Variants in ABCD2 observed in about 807,000 individuals in gnomAD.
ABCD2 encodes ATP-binding cassette sub-family D member 2.
Under a neutral mutation model 70.9 loss-of-function variants are expected in ABCD2, and 36 were observed. The ratio of observed to expected loss-of-function variants is 0.51; its 90% CI spans 0.39 to 0.67. ABCD2 has a LOEUF of 0.67. Among genes scored for constraint, ABCD2 ranks in the 30% least tolerant of loss-of-function variants. The pLI is 0.00. For missense variants in ABCD2, 729 were observed against 890.2 expected (o/e 0.82, Z 2.30); for synonymous variants, 304 against 306.9 (o/e 0.99, Z 0.10).
At chr12:39,548,215 A>T (rs1941045017), downstream of ABCD2, among the ~76,000 whole-genome samples, 1 of 152,114 alleles carries the variant, frequency 6.6e-6, no homozygotes, top group Non-Finnish European at 1.5e-5. Context: ...GATTTTGCCC[A>T]CCTGTAGGCT....
intron 8 of ABCD2, among the ~76,000 whole-genome samples, chr12:39,575,496 GC>G (rs1941503869): frequency 1.3e-5 from 2 of 152,130 alleles, no homozygotes; most frequent in African/African-American, 2.4e-5. Context: ...AGTAGAATGG[GC>G]TTCGTGAAGG....
rs1296156565 is a variant in ABCD2, at chr12:39,552,804, CCA to C, written c.*1106_*1107del. On this transcript the variant is annotated 3_prime_UTR_variant, in exon 10 of 10. Transcript: ENST00000308666. The stretch of plus-strand genomic sequence containing the variant: ...GTCTAACTTTTATTGCTATTATAGC[CCA>C]GTTTGATTTAAAGGATAATAACAAA... 1 of 151,638 alleles carries C rather than the reference CCA, an allele frequency of 6.6e-6. No individual in the cohort carries two copies. The highest frequency in any genetic ancestry group is 2.4e-5 in the African/African-American group (1 of 41,316). The allele number at this position is 151,638 out of a possible 1,614,324, so 9.4% of individuals were successfully genotyped here.
At chr12:39,572,600 C>T (rs1345959789) in intron 9 of ABCD2, among the ~76,000 whole-genome samples, 3 of 151,966 alleles carry the variant, frequency 2.0e-5, no homozygotes, top group Non-Finnish European at 2.9e-5. Flanking sequence ...CAATAAAAGC[C>T]TGATTGGATG....
chr12:39,568,682 CT>C (rs753775653), intron 9 of ABCD2, among the ~76,000 whole-genome samples: 6 of 152,156 alleles, frequency 3.9e-5, no homozygotes, highest in Admixed American at 3.9e-4. Flanking sequence ...AGCTGCGTTC[CT>C]TTGGAGGAGG....
At chr12:39,540,801 A>G in the ABCD2 span, among the ~76,000 whole-genome samples, 2 of 152,198 alleles carry the variant, frequency 1.3e-5, no homozygotes, top group African/African-American at 4.8e-5. Flanking sequence ...TTCCCCCACC[A>G]GCTTGAATTG....
At chr12:39,556,359 A>G (rs1169305258) in intron 9 of ABCD2, among the ~76,000 whole-genome samples, 4 of 152,216 alleles carry the variant, frequency 2.6e-5, no homozygotes, top group Non-Finnish European at 5.9e-5. Context: ...GTCAAGGAAG[A>G]GACAAGGCGT....
intron 6 of ABCD2, among the ~76,000 whole-genome samples, chr12:39,586,942 C>A (rs574687494): frequency 6.6e-6 from 1 of 152,336 alleles, no homozygotes; most frequent in African/African-American, 2.4e-5. Flanking sequence ...ACTCACTCCA[C>A]TGGCAGGCCT....
intron 7 of ABCD2, among the ~76,000 whole-genome samples, chr12:39,584,326 T>C (rs1941637022): frequency 6.6e-6 from 1 of 152,358 alleles, no homozygotes; most frequent in Non-Finnish European, 1.5e-5. Context: ...TTTTGAGAAG[T>C]GTCTGTTCAT....
At chr12:39,542,090 C>G in the ABCD2 span, among the ~76,000 whole-genome samples, 1 of 152,080 alleles carries the variant, frequency 6.6e-6, no homozygotes, top group South Asian at 2.1e-4. Flanking sequence ...GATTTGTGAT[C>G]ATGCATTGAG....
rs758760543 is a variant in ABCD2, at chr12:39,617,047, C to T, written c.1061G>A (p.Ser354Asn). Residue 354 changes from serine to asparagine, a missense_variant, in exon 2 of 10, where the codon AGC becomes AAC. Physicochemically the swap from Ser to Asn is conservative, Grantham distance 46 (BLOSUM62 1). Coordinates refer to ENST00000308666, the MANE Select transcript of ABCD2 (RefSeq NM_005164.4). The stretch of plus-strand genomic sequence containing the variant: ...TATAGCCACCATAATTAGTCCACTG[C>T]TGCTCCAAACATACTTCATCAGGAA... The part of the protein sequence containing the change: ...EQFLMKYVWS[S>N]SGLIMVAIPI... 6.2e-7 allele frequency: 1 copy of T among 1,612,422 alleles called. No individual in the cohort carries two copies. Among genetic ancestry groups the T allele is most frequent in the Admixed American group, 1.7e-5 (1 of 59,800 alleles).
chr12:39,571,010 AATC>A (rs146866739), intron 9 of ABCD2, among the ~76,000 whole-genome samples: 6,568 of 152,278 alleles, frequency 0.043, 181 homozygotes, highest in African/African-American at 0.08. Context: ...CAACAACACT[AATC>A]ATTAGGTAAA....
At chr12:39,558,118 T>C (rs1941197505) in intron 9 of ABCD2, among the ~76,000 whole-genome samples, 1 of 152,226 alleles carries the variant, frequency 6.6e-6, no homozygotes, top group African/African-American at 2.4e-5. Context: ...AGCCCAAGGC[T>C]ATGGGAGCCC....
At chr12:39,544,406 A>AT in the ABCD2 span, among the ~76,000 whole-genome samples, 1 of 152,140 alleles carries the variant, frequency 6.6e-6, no homozygotes, top group African/African-American at 2.4e-5. Flanking sequence ...CTTGTGGCTA[A>AT]TGTTCATCCT....
At chr12:39,589,343 T>C (rs139950925) in intron 6 of ABCD2, among the ~76,000 whole-genome samples, 45 of 151,864 alleles carry the variant, frequency 3.0e-4, no homozygotes, top group African/African-American at 1.0e-3. Flanking sequence ...AAGAAGACTT[T>C]GCAATGAAAT....
chr12:39,588,190 C>T (rs568642506), intron 6 of ABCD2, among the ~76,000 whole-genome samples: 1 of 152,114 alleles, frequency 6.6e-6, no homozygotes, highest in Non-Finnish European at 1.5e-5. Flanking sequence ...GCCCTATCTA[C>T]ATCTGGAACA....
chr12:39,548,787 T>C (rs530631243), downstream of ABCD2, among the ~76,000 whole-genome samples: 11 of 152,046 alleles, frequency 7.2e-5, no homozygotes, highest in African/African-American at 2.2e-4. Flanking sequence ...ATTTCATGTT[T>C]ATCAGTATTT....
chr12:39,618,621 G>A (rs1942149176), intron 1 of ABCD2, 56 bp downstream of exon 1: 2 of 1,501,930 alleles, frequency 1.3e-6, no homozygotes, highest in Non-Finnish European at 1.8e-6. Flanking sequence ...ATCTGGCACT[G>A]CAGTGGCAAC....
chr12:39,609,186 T>C (rs1942012713), intron 2 of ABCD2, among the ~76,000 whole-genome samples: 1 of 152,170 alleles, frequency 6.6e-6, no homozygotes, highest in African/African-American at 2.4e-5. Context: ...GATGGACGGA[T>C]GGATGGATGG....
chr12:39,610,745 T>C (rs912940793), intron 2 of ABCD2, among the ~76,000 whole-genome samples: 4 of 152,158 alleles, frequency 2.6e-5, no homozygotes, highest in African/African-American at 9.7e-5. Context: ...CTTCTTCATG[T>C]TTTTAGCAAT....
Sources: allele counts gnomAD v4.1 joint callset (sites outside exome capture counted in the v4.1 genomes callset), GRCh38; gene constraint gnomAD v4.1.1; transcripts MANE v1.5; gene names NCBI Gene and HGNC (gene_info 2026-07-23, HGNC 2026-07-21).